Variants in LCORL observed in about 807,000 individuals in gnomAD.
LCORL encodes ligand dependent nuclear receptor corepressor like, also known as ligand-dependent nuclear receptor corepressor-like protein.
LCORL carries 41 observed loss-of-function variants against 141.8 expected under a neutral mutation model. The ratio of observed to expected loss-of-function variants is 0.29; its 90% CI spans 0.23 to 0.38. LCORL has a LOEUF of 0.38. LCORL is among the 10% of genes least tolerant of loss of function. The pLI, the probability that LCORL is intolerant of heterozygous loss-of-function variation, is 1.00. For missense variants in LCORL, 1,759 were observed against 2,035.0 expected, an observed-to-expected ratio of 0.86 and a Z score of 2.61; for synonymous variants, 618 against 694.1, an observed-to-expected ratio of 0.89 and a Z score of 1.72.
intron 4 of LCORL, among the ~76,000 whole-genome samples, chr4:17,910,627 T>A (rs1732371738): frequency 6.6e-6 from 1 of 152,138 alleles, no homozygotes; most frequent in African/African-American, 2.4e-5. Context: ...CATTAGTTGG[T>A]CCATGGCTGT....
At chr4:17,842,993 T>G (rs1722564229) in exon 8 of LCORL, 1 of 180,308 alleles carries the variant, frequency 5.5e-6, no homozygotes, top group Admixed American at 5.8e-5. Context: ...CAAAGAAATC[T>G]CTTTTGGACA....
At chr4:17,954,550 C>T (rs1712182055) in intron 4 of LCORL, among the ~76,000 whole-genome samples, 1 of 151,110 alleles carries the variant, frequency 6.6e-6, no homozygotes, top group African/African-American at 2.4e-5. Flanking sequence ...GCTTTAGAAA[C>T]ATCATTTTTC....
chr4:17,872,325 C>CT (rs1726446223), intron 7 of LCORL, among the ~76,000 whole-genome samples: 1 of 152,024 alleles, frequency 6.6e-6, no homozygotes, highest in African/African-American at 2.4e-5. Context: ...GCAGGGGTGT[C>CT]TAATATTTTG....
chr4:17,912,055 G>C, intron 4 of LCORL: 1 of 689,836 alleles, frequency 1.4e-6, no homozygotes, highest in Non-Finnish European at 2.7e-6. Flanking sequence ...GGAGAAGAAG[G>C]GACCCCAGGT....
intron 7 of LCORL, among the ~76,000 whole-genome samples, chr4:17,847,111 T>TA (rs1215175683): frequency 6.6e-6 from 1 of 152,226 alleles, no homozygotes; most frequent in Non-Finnish European, 1.5e-5. Flanking sequence ...GTGTAATGAA[T>TA]ACGCCATCCC....
chr4:17,855,089 A>G (rs1166253924), intron 7 of LCORL, among the ~76,000 whole-genome samples: 2 of 152,134 alleles, frequency 1.3e-5, no homozygotes, highest in Non-Finnish European at 2.9e-5. Context: ...TTCTCCTTAG[A>G]AATGGGAGAG....
At chr4:17,846,487 T>C (rs1722953103) in intron 7 of LCORL, among the ~76,000 whole-genome samples, 1 of 152,156 alleles carries the variant, frequency 6.6e-6, no homozygotes, top group South Asian at 2.1e-4. Context: ...CTAAGCTCTC[T>C]GATGAGGCTG....
At chr4:18,000,954 T>C (rs1251066238) in intron 1 of LCORL, among the ~76,000 whole-genome samples, 2 of 152,224 alleles carry the variant, frequency 1.3e-5, no homozygotes, top group African/African-American at 2.4e-5. Flanking sequence ...CAGCAGCTAC[T>C]GTAATCCAGA....
chr4:17,978,376 C>G (rs1172630559), intron 1 of LCORL, among the ~76,000 whole-genome samples: 1 of 152,004 alleles, frequency 6.6e-6, no homozygotes, highest in African/African-American at 2.4e-5. Context: ...TTAAGAAGAT[C>G]ACTTGAGACC....
chr4:17,893,509 G>A, intron 5 of LCORL: 2 of 985,348 alleles, frequency 2.0e-6, no homozygotes, highest in Non-Finnish European at 2.4e-6. Flanking sequence ...CACTGCGAGT[G>A]TGTTTTGTGC....
chr4:17,960,550 A>T (rs776185836), intron 4 of LCORL, among the ~76,000 whole-genome samples: 4 of 152,214 alleles, frequency 2.6e-5, no homozygotes, highest in Non-Finnish European at 5.9e-5. Context: ...GTCTGATAAC[A>T]TAATTTTTCC....
chr4:17,975,576 A>C (rs1056910919), intron 1 of LCORL, among the ~76,000 whole-genome samples: 23 of 152,020 alleles, frequency 1.5e-4, no homozygotes, highest in African/African-American at 5.3e-4. Context: ...TTGTATTTTT[A>C]GTAGAGATGA....
At chr4:17,879,315 TTA>T (rs1560281050) in intron 6 of LCORL, among the ~76,000 whole-genome samples, 1 of 151,100 alleles carries the variant, frequency 6.6e-6, no homozygotes, top group African/African-American at 2.4e-5. Context: ...TTTATAAAAA[TTA>T]TGTTATTTGA....
At chr4:17,924,651 G>A (rs867657107) in intron 4 of LCORL, among the ~76,000 whole-genome samples, 61 of 152,138 alleles carry the variant, frequency 4.0e-4, no homozygotes, top group African/African-American at 1.4e-3. Context: ...CTCATGGAAC[G>A]TCTTATTTAC....
chr4:18,003,817 C>T (rs1295154242), intron 1 of LCORL, among the ~76,000 whole-genome samples: 2 of 152,182 alleles, frequency 1.3e-5, no homozygotes, highest in Non-Finnish European at 2.9e-5. Context: ...TTCCAAATAA[C>T]ATTTGTTATT....
At chr4:17,893,282 T>G in intron 5 of LCORL, 1 of 666,548 alleles carries the variant, frequency 1.5e-6, no homozygotes, top group East Asian at 1.4e-4. Flanking sequence ...AAGTAAAAAT[T>G]AAGATTGAGT....
chr4:17,925,481 AG>A (rs1021893480), intron 4 of LCORL, among the ~76,000 whole-genome samples: 1 of 152,146 alleles, frequency 6.6e-6, no homozygotes, highest in Non-Finnish European at 1.5e-5. Context: ...GGGATACAGA[AG>A]GGGTAGTAGA....
intron 1 of LCORL, among the ~76,000 whole-genome samples, chr4:17,984,152 C>T (rs1170140537): frequency 2.6e-5 from 4 of 152,124 alleles, no homozygotes; most frequent in African/African-American, 4.8e-5. Context: ...TTTTGATGTG[C>T]TGCTGGATTC....
At chr4:17,868,942 A>T (rs554858518) in intron 7 of LCORL, among the ~76,000 whole-genome samples, 21 of 151,822 alleles carry the variant, frequency 1.4e-4, no homozygotes, top group African/African-American at 5.1e-4. Flanking sequence ...AATCCCACAT[A>T]CTACTCTTGA....
Sources: allele counts gnomAD v4.1 joint callset (sites outside exome capture counted in the v4.1 genomes callset), GRCh38; gene constraint gnomAD v4.1.1; transcripts MANE v1.5; gene names NCBI Gene and HGNC (gene_info 2026-07-23, HGNC 2026-07-21).